IST1: variants seen among roughly 807,000 people sequenced by gnomAD.
IST1 encodes the protein IST1 homolog.
In IST1, 23 loss-of-function variants were observed where a neutral mutation model predicts 37.0. The ratio of observed to expected loss-of-function variants is 0.62; its 90% CI spans 0.45 to 0.88. IST1 has a LOEUF of 0.88. IST1 is among the 40% of genes least tolerant of loss of function. IST1 has a pLI of 0.00. For missense variants in IST1, 488 were observed against 445.4 expected (o/e 1.10, Z -0.86); for synonymous variants, 180 against 161.7 (o/e 1.11, Z -0.86).
upstream of IST1, chr16:71,894,925 C>G (rs1433321631): frequency 2.7e-6 from 3 of 1,110,954 alleles, no homozygotes; most frequent in South Asian, 2.7e-5. Context: ...GACTGTGGTG[C>G]TGAGGAAACA....
chr16:71,895,406 C>G (rs112566268), upstream of IST1: 97 of 536,772 alleles, frequency 1.8e-4, 1 homozygote, highest in African/African-American at 1.6e-3. Flanking sequence ...GAGGGTGCCC[C>G]GAGTCAGCGC....
rs192035131 is a variant in IST1, at chr16:71,908,373, C to A, written c.-15-7253C>A. ...GGAGTGCAATGGCACGATCTCGGCT[C>A]ACTGCAACCTCCGCCTCCCCAGTTC... On this transcript the variant is annotated intron_variant, in intron 1 of 9. Transcript: ENST00000378799. Among the ~76,000 whole-genome samples, 305 of 140,562 alleles carry A rather than the reference C, an allele frequency of 2.2e-3. 2 individuals carry two copies. Among genetic ancestry groups the A allele is most frequent in the African/African-American group, 7.3e-3 (282 of 38,696 alleles). The allele number at this position is 140,562 out of a possible 152,430, so 92.2% of individuals were successfully genotyped here. A position where few individuals can be genotyped will look rare whatever the true frequency, so the allele number is the denominator to read the frequency against.
Position 71,928,200 on chromosome 16 carries a change from G to A in IST1, c.*387G>A, listed in dbSNP as rs138263078. On this transcript the variant is annotated 3_prime_UTR_variant, in exon 10 of 10. Coordinates refer to ENST00000378799, the MANE Select transcript of IST1 (RefSeq NM_001270975.2). ...GCACGTTGTGAAGCATCCCAGCCTC[G>A]TGTTGAGGTTCCAGACTTAGAAACA... is the stretch of plus-strand genomic sequence containing the variant. The A allele has an allele frequency of 2.4e-5, 6 of 251,620 alleles. No individual in the cohort carries two copies. Among genetic ancestry groups the A allele is most frequent in the African/African-American group, 4.5e-5 (2 of 44,278 alleles). 15.6% of individuals were successfully genotyped at this position (251,620 alleles called of 1,614,324 possible).
intron 1 of IST1, among the ~76,000 whole-genome samples, chr16:71,897,674 G>A (rs954475033): frequency 7.9e-5 from 12 of 152,194 alleles, no homozygotes; most frequent in Admixed American, 7.2e-4. Flanking sequence ...GGCCGGGCAC[G>A]GTGGCTCACG....
Position 71,923,009 on chromosome 16 carries a change from TAGATAAGATGGTCATTGGTAGTAAGA to T in IST1, c.760-277_760-252del, listed in dbSNP as rs1597255667. The T allele has an allele frequency of 1.7e-5, 8 of 476,598 alleles. No individual in the cohort carries two copies. In the East Asian group the frequency reaches 3.1e-4, roughly 19 times the overall value. The allele number at this position is 476,598 out of a possible 1,614,324, so 29.5% of individuals were successfully genotyped here. ...TTATTACCAGGCAGAACAACCTTTG[TAGATAAGATGGTCATTGGTAGTAAGA>T]AAGTCTCGTTAGAGTTTTCCCTTGT... On this transcript the variant is annotated intron_variant, in intron 7 of 9. Coordinates refer to ENST00000378799, the MANE Select transcript of IST1 (RefSeq NM_001270975.2).
Position 71,929,895 on chromosome 16 carries a change from G to T in IST1, c.*2082G>T. ...GAATATTATGTAGTCTTATAAATTGGGTTTCCTAGGAAGATAGCTGGCAGA... is the reference window on the plus strand; with the variant it reads ...GAATATTATGTAGTCTTATAAATTGTGTTTCCTAGGAAGATAGCTGGCAGA... On this transcript the variant is annotated 3_prime_UTR_variant, in exon 10 of 10. Coordinates refer to ENST00000378799, the MANE Select transcript of IST1 (RefSeq NM_001270975.2). 1 of 1,060,762 alleles carries T rather than the reference G, an allele frequency of 9.4e-7. No homozygotes were observed. The highest frequency in any genetic ancestry group is 1.3e-6 in the Non-Finnish European group (1 of 755,756). 65.7% of individuals were successfully genotyped at this position (1,060,762 alleles called of 1,614,324 possible).
At chr16:71,921,774 CATTT>C (rs1367902869) in intron 6 of IST1, 3 of 268,240 alleles carry the variant, frequency 1.1e-5, no homozygotes, top group African/African-American at 6.6e-5. Flanking sequence ...GTTCCCGAAA[CATTT>C]ATTGGGTACC....
intron 1 of IST1, among the ~76,000 whole-genome samples, chr16:71,906,998 C>G (rs1269561308): frequency 6.6e-6 from 1 of 152,060 alleles, no homozygotes; most frequent in African/African-American, 2.4e-5. Flanking sequence ...CCACTACACT[C>G]CAGCCTGGGT....
chr16:71,923,879 A>C (rs2037672216), intron 8 of IST1, among the ~76,000 whole-genome samples: 1 of 152,164 alleles, frequency 6.6e-6, no homozygotes. Flanking sequence ...ATGAATAGCT[A>C]ATATAATACC....
At chr16:71,900,604 A>G (rs920643717) in intron 1 of IST1, among the ~76,000 whole-genome samples, 12 of 152,132 alleles carry the variant, frequency 7.9e-5, no homozygotes, top group African/African-American at 2.7e-4. Context: ...AGTAAAGTGA[A>G]GGATTGGGCT....
chr16:71,911,710 A>ATTT (rs550809762), intron 1 of IST1, among the ~76,000 whole-genome samples: 6 of 90,892 alleles, frequency 6.6e-5, no homozygotes, highest in African/African-American at 1.7e-4. Context: ...TTAAACTTCG[A>ATTT]TTTTTTTTTT....
rs1487895832 is a variant in IST1 at position 71,929,446 on chromosome 16, AAAAC to A, written c.*1637_*1640del. The stretch of plus-strand genomic sequence containing the variant: ...TTTTGATTCCTAACTTACAGAATTA[AAAAC>A]AAAGTATATTATAATTTTAAAGCTA... On this transcript the variant is annotated 3_prime_UTR_variant, in exon 10 of 10. Coordinates refer to ENST00000378799, the MANE Select transcript of IST1 (RefSeq NM_001270975.2). 11 of 1,281,376 alleles carry A rather than the reference AAAAC, an allele frequency of 8.6e-6. No homozygotes were observed. The highest frequency in any genetic ancestry group is 4.0e-4 in the Middle Eastern group (2 of 4,998). 79.4% of individuals were successfully genotyped at this position (1,281,376 alleles called of 1,614,324 possible).
In IST1 at chr16:71,930,650, A is replaced by T. The variant is rs2037917240; in HGVS notation, c.*2837A>T. ...GTTGGCCACAGAAAACTGGCTTTTT[A>T]GTATTTTTTTTTTTCCATTGTCATT... On this transcript the variant is annotated 3_prime_UTR_variant, in exon 10 of 10. Transcript: ENST00000378799. 2 of 152,328 alleles carry T rather than the reference A, an allele frequency of 1.3e-5. No homozygotes were observed. The highest frequency in any genetic ancestry group is 6.5e-5 in the Admixed American group (1 of 15,278). The allele number at this position is 152,328 out of a possible 1,614,324, so 9.4% of individuals were successfully genotyped here.
intron 1 of IST1, among the ~76,000 whole-genome samples, chr16:71,899,136 C>G (rs955863624): frequency 6.6e-6 from 1 of 152,030 alleles, no homozygotes; most frequent in Non-Finnish European, 1.5e-5. Context: ...ATTCTGAAGC[C>G]TTATTTTCTT....
At chr16:71,907,638 A>G (rs531327006) in intron 1 of IST1, among the ~76,000 whole-genome samples, 19 of 152,138 alleles carry the variant, frequency 1.2e-4, no homozygotes, top group Middle Eastern at 3.4e-3. Context: ...CTGTTGTCCT[A>G]CAGATCTGTA....
Position 71,930,905 on chromosome 16 carries a change from C to T in IST1, c.*3092C>T, listed in dbSNP as rs1407783778. On this transcript the variant is annotated 3_prime_UTR_variant, in exon 10 of 10. Transcript: ENST00000378799. ...GAGGGGTTGATTACAGTCAATGCCA[C>T]CCTGATGGAAATCTATATGGCAAAA... is the stretch of plus-strand genomic sequence containing the variant. The T allele has an allele frequency of 1.3e-5, 2 of 152,120 alleles. No homozygotes were observed. The highest frequency in any genetic ancestry group is 2.9e-5 in the Non-Finnish European group (2 of 68,038). 9.4% of individuals were successfully genotyped at this position (152,120 alleles called of 1,614,324 possible).
At chr16:71,923,208 C>A (rs972290822) in intron 7 of IST1, 80 bp from the exon 8 acceptor site, 19 of 720,064 alleles carry the variant, frequency 2.6e-5, no homozygotes, top group Admixed American at 7.2e-5. Context: ...AAATGTATTT[C>A]TTTCTCCCTT....
chr16:71,908,601 T>C (rs1055296376), intron 1 of IST1, among the ~76,000 whole-genome samples: 3 of 152,218 alleles, frequency 2.0e-5, no homozygotes, highest in African/African-American at 7.2e-5. Flanking sequence ...TAGTAGCTGC[T>C]TTAAAGTCTT....
At chr16:71,918,242 C>G (rs923398637) in intron 4 of IST1, among the ~76,000 whole-genome samples, 1 of 152,168 alleles carries the variant, frequency 6.6e-6, no homozygotes, top group African/African-American at 2.4e-5. Flanking sequence ...AGAAGACTTA[C>G]ACTTAATTCT....
Sources: allele counts gnomAD v4.1 joint callset (sites outside exome capture counted in the v4.1 genomes callset), GRCh38; gene constraint gnomAD v4.1.1; transcripts MANE v1.5; gene names NCBI Gene and HGNC (gene_info 2026-07-23, HGNC 2026-07-21).